Variants in KIRREL3 observed in about 807,000 individuals in gnomAD.
KIRREL3 encodes kin of IRRE-like protein 3.
KIRREL3 carries 36 observed loss-of-function variants against 89.7 expected under a neutral mutation model. The ratio of observed to expected loss-of-function variants is 0.40; its 90% CI spans 0.31 to 0.53. The LOEUF is 0.53. Ranked by LOEUF, KIRREL3 falls within the 20% of genes least tolerant of loss-of-function variation. The pLI is 0.49. For missense variants in KIRREL3, 864 were observed against 1,056.6 expected, an observed-to-expected ratio of 0.82 and a Z score of 2.53; for synonymous variants, 445 against 441.4, an observed-to-expected ratio of 1.01 and a Z score of -0.10.
rs1957558992 is a variant in KIRREL3, at chr11:126,492,897, G to A, written c.434-19431C>T. 6.6e-6 allele frequency among the ~76,000 whole-genome samples: 1 copy of A among 152,158 alleles called. No homozygotes were observed. The stretch of plus-strand genomic sequence containing the variant: ...GTTGGTCTCCAGAAAAGACAGACCA[G>A]GGGATGAGGGTGGAGGAATTAAGTT... On this transcript the variant is annotated intron_variant, in intron 4 of 16. Coordinates refer to ENST00000525144, the MANE Select transcript of KIRREL3 (RefSeq NM_032531.4). The surrounding 1 kb of genome is among the most constrained non-coding windows in gnomAD (Gnocchi z 4.8).
At chr11:126,630,215 G>A (rs1943961165) in intron 1 of KIRREL3, among the ~76,000 whole-genome samples, 1 of 152,134 alleles carries the variant, frequency 6.6e-6, no homozygotes, top group Non-Finnish European at 1.5e-5. Flanking sequence ...TTCTCCAAAG[G>A]TCTGTGTCGA....
At chr11:126,707,990 G>A (rs1947604199) in intron 1 of KIRREL3, among the ~76,000 whole-genome samples, 1 of 152,142 alleles carries the variant, frequency 6.6e-6, no homozygotes, top group Admixed American at 6.5e-5. Context: ...ATGGGGTAGC[G>A]GGGTCAAGTC....
At chr11:126,556,962 C>T (rs1939754095) in intron 2 of KIRREL3, among the ~76,000 whole-genome samples, 2 of 152,120 alleles carry the variant, frequency 1.3e-5, no homozygotes, top group Non-Finnish European at 2.9e-5. Flanking sequence ...AAAAATGCAC[C>T]CCAAAGCCCC....
Position 126,653,711 on chromosome 11 carries a change from G to A in KIRREL3, c.56-90799C>T, listed in dbSNP as rs1458322717. Among the ~76,000 whole-genome samples, 2 of 152,218 alleles carry A rather than the reference G, an allele frequency of 1.3e-5. No homozygotes were observed. The highest frequency in any genetic ancestry group is 2.4e-5 in the African/African-American group (1 of 41,458). On this transcript the variant is annotated intron_variant, in intron 1 of 16. Transcript: ENST00000525144. This position sits in a 1 kb window ranked among gnomAD's most constrained non-coding sequence, Gnocchi z 5.4. The stretch of plus-strand genomic sequence containing the variant: ...ATGAGAAACGGGAGGGGCTGCGTGA[G>A]ACATGGCAAGGCTGAGGCCAAGCCC...
chr11:126,852,977 G>A (rs79152991), intron 1 of KIRREL3, among the ~76,000 whole-genome samples: 3,105 of 152,230 alleles, frequency 0.02, 93 homozygotes, highest in African/African-American at 0.069. Context: ...TTATTTCTCC[G>A]GGGAAACCTG....
intron 12 of KIRREL3, 116 bp from the exon 13 acceptor site, chr11:126,435,419 C>G: frequency 1.0e-6 from 1 of 1,004,394 alleles, no homozygotes; most frequent in South Asian, 1.3e-5. Flanking sequence ...CCAGTCATGT[C>G]TCTGGGACCC....
intron 1 of KIRREL3, among the ~76,000 whole-genome samples, chr11:126,638,871 G>T (rs1260037935): frequency 6.6e-6 from 1 of 152,174 alleles, no homozygotes; most frequent in Non-Finnish European, 1.5e-5. Flanking sequence ...CATGGCCCCA[G>T]TGACAGCAGG....
At chr11:126,938,358 C>T (rs536036602) in intron 1 of KIRREL3, among the ~76,000 whole-genome samples, 2 of 152,286 alleles carry the variant, frequency 1.3e-5, no homozygotes, top group Non-Finnish European at 2.9e-5. Flanking sequence ...ACTTGACTGG[C>T]ATATTTTCTC....
Position 126,651,353 on chromosome 11 carries a change from T to A in KIRREL3, c.56-88441A>T, listed in dbSNP as rs1480318151. Among the ~76,000 whole-genome samples, 1 of 152,226 alleles carries A rather than the reference T, an allele frequency of 6.6e-6. No individual in the cohort carries two copies. Among genetic ancestry groups the A allele is most frequent in the Non-Finnish European group, 1.5e-5 (1 of 68,042 alleles). On this transcript the variant is annotated intron_variant, in intron 1 of 16. Coordinates refer to ENST00000525144, the MANE Select transcript of KIRREL3 (RefSeq NM_032531.4). This position sits in a 1 kb window ranked among gnomAD's most constrained non-coding sequence, Gnocchi z 4.6. ...CCCCAAATCTCACAAATTCCAGTGA[T>A]AAACTCCACTCCATGTCTCAAACAG... is the stretch of plus-strand genomic sequence containing the variant.
chr11:126,662,901 C>CCTTT (rs1327673425), intron 1 of KIRREL3, among the ~76,000 whole-genome samples: 1 of 127,502 alleles, frequency 7.8e-6, no homozygotes, highest in African/African-American at 3.0e-5. Flanking sequence ...TTTCCAAAGT[C>CCTTT]CTTTCTTTTT....
Position 126,748,589 on chromosome 11 carries a change from G to T in KIRREL3, c.56-185677C>A, listed in dbSNP as rs1949232409. ...TGAAGGGCAAGGGCGGGGCAGGAAGGGAGGGAATCGTGTGCTGTGGCAGGA... is the reference window on the plus strand; with the variant it reads ...TGAAGGGCAAGGGCGGGGCAGGAAGTGAGGGAATCGTGTGCTGTGGCAGGA... On this transcript the variant is annotated intron_variant, in intron 1 of 16. Coordinates refer to ENST00000525144, the MANE Select transcript of KIRREL3 (RefSeq NM_032531.4). The surrounding 1 kb of genome is among the most constrained non-coding windows in gnomAD (Gnocchi z 4.6). 6.6e-6 allele frequency among the ~76,000 whole-genome samples: 1 copy of T among 152,208 alleles called. No individual in the cohort carries two copies. The highest frequency in any genetic ancestry group is 1.5e-5 in the Non-Finnish European group (1 of 68,048).
At chr11:126,753,278 C>A (rs1380020076) in intron 1 of KIRREL3, among the ~76,000 whole-genome samples, 1 of 152,178 alleles carries the variant, frequency 6.6e-6, no homozygotes, top group Non-Finnish European at 1.5e-5. Flanking sequence ...TCTGGAGCTG[C>A]CTCAGAGGGG....
rs1947084982 is a variant in KIRREL3, at chr11:126,696,170, T to C, written c.56-133258A>G. 6.6e-6 allele frequency among the ~76,000 whole-genome samples: 1 copy of C among 151,820 alleles called. No homozygotes were observed. The highest frequency in any genetic ancestry group is 6.6e-5 in the Admixed American group (1 of 15,240). ...TACTTGGGAGGCTGAGGTATGAGAA[T>C]TGCTTGAACCTGAGTGGCAGAGGTT... On this transcript the variant is annotated intron_variant, in intron 1 of 16. Transcript: ENST00000525144. This position sits in a 1 kb window ranked among gnomAD's most constrained non-coding sequence, Gnocchi z 4.4.
chr11:126,711,430 C>T (rs1325859162), intron 1 of KIRREL3, among the ~76,000 whole-genome samples: 1 of 152,136 alleles, frequency 6.6e-6, no homozygotes, highest in African/African-American at 2.4e-5. Flanking sequence ...GGGGTGGTGG[C>T]TCATGCCTAT....
chr11:126,619,887 C>T (rs1180278090), intron 1 of KIRREL3, among the ~76,000 whole-genome samples: 1 of 152,214 alleles, frequency 6.6e-6, no homozygotes, highest in Non-Finnish European at 1.5e-5. Context: ...TGACCCAGCA[C>T]AGGCATGCGG....
At chr11:126,933,175 T>C (rs555884268) in intron 1 of KIRREL3, among the ~76,000 whole-genome samples, 1 of 152,232 alleles carries the variant, frequency 6.6e-6, no homozygotes, top group Admixed American at 6.5e-5. Context: ...AAAGGAAAAA[T>C]GCTGTGCAAT....
At chr11:126,974,836 G>C (rs1949524567) in intron 1 of KIRREL3, among the ~76,000 whole-genome samples, 1 of 152,156 alleles carries the variant, frequency 6.6e-6, no homozygotes, top group African/African-American at 2.4e-5. Flanking sequence ...CTCCTGAGTA[G>C]CTGGGACTAC....
At chr11:126,600,973 G>T (rs550592600) in intron 1 of KIRREL3, among the ~76,000 whole-genome samples, 1 of 151,972 alleles carries the variant, frequency 6.6e-6, no homozygotes, top group African/African-American at 2.4e-5. Context: ...CCCCTCCACG[G>T]ATCTCCTACC....
rs746194484 is a variant in KIRREL3 at position 126,995,833 on chromosome 11, G to A, written c.55+4622C>T. Among the ~76,000 whole-genome samples, 2 of 152,024 alleles carry A rather than the reference G, an allele frequency of 1.3e-5. No homozygotes were observed. The highest frequency in any genetic ancestry group is 6.6e-5 in the Admixed American group (1 of 15,262). Reference sequence around the variant, plus strand: ...AACAAAAAAGAAAAACTGCATCTTCGGGCCTAATCTCCTGCTCCACCCCAT... The same window carrying A: ...AACAAAAAAGAAAAACTGCATCTTCAGGCCTAATCTCCTGCTCCACCCCAT... On this transcript the variant is annotated intron_variant, in intron 1 of 16. Coordinates refer to ENST00000525144, the MANE Select transcript of KIRREL3 (RefSeq NM_032531.4). The surrounding 1 kb of genome is among the most constrained non-coding windows in gnomAD (Gnocchi z 6.5).
Sources: gnomAD v4.1 joint callset for allele counts (sites outside exome capture counted in the v4.1 genomes callset) on GRCh38, gnomAD v4.1.1 for gene constraint, Gnocchi (gnomAD v3.1) non-coding constraint, MANE v1.5 for transcripts, NCBI Gene and HGNC (gene_info 2026-07-23, HGNC 2026-07-21) for gene names.